The following ZBTB7C variants were observed in gnomAD, a reference collection of about 807,000 sequenced individuals.
The protein encoded by ZBTB7C is zinc finger and BTB domain-containing protein 7C.
ZBTB7C carries 8 observed loss-of-function variants against 25.7 expected under a neutral mutation model. The ratio of observed to expected loss-of-function variants is 0.31; its 90% CI spans 0.18 to 0.56. The LOEUF (loss-of-function observed/expected upper bound fraction) is 0.56, where lower values mean the gene tolerates loss of function less well. Among genes scored for constraint, ZBTB7C ranks in the 20% least tolerant of loss-of-function variants. The pLI is 0.91. For missense variants in ZBTB7C, 824 were observed against 855.2 expected (o/e 0.96, Z 0.46); for synonymous variants, 394 against 369.0 (o/e 1.07, Z -0.78).
intron 1 of ZBTB7C, among the ~76,000 whole-genome samples, chr18:48,407,808 G>T (rs145110829): frequency 3.0e-4 from 46 of 152,274 alleles, no homozygotes; most frequent in African/African-American, 8.4e-4. Flanking sequence ...ATGAAGGACT[G>T]AGAGTTTCCA....
intron 3 of ZBTB7C, among the ~76,000 whole-genome samples, chr18:48,181,944 A>G (rs4347695): frequency 0.38 from 57,363 of 152,046 alleles, 11,840 homozygotes; most frequent in African/African-American, 0.56. Context: ...TTTGTCATTA[A>G]TTGAATTATT....
chr18:48,099,643 C>G lies in ZBTB7C; in HGVS notation c.-16-58520G>C, dbSNP rs758294961. Among the ~76,000 whole-genome samples the G allele has an allele frequency of 2.0e-5, 3 of 152,342 alleles. 1 individual carries two copies. In the South Asian group the frequency reaches 6.2e-4, roughly 32 times the overall value. On this transcript the variant is annotated intron_variant, in intron 3 of 4. Coordinates refer to ENST00000590800, the MANE Select transcript of ZBTB7C (RefSeq NM_001318841.2). ...CTTAAGTGTGACTCCTGACAATGAA[C>G]TGGCAGGGTGCAGCCCCCACCAATC...
intron 2 of ZBTB7C, among the ~76,000 whole-genome samples, chr18:48,226,481 C>G (rs1279111096): frequency 6.6e-6 from 1 of 152,204 alleles, no homozygotes; most frequent in Non-Finnish European, 1.5e-5. Flanking sequence ...AAGGAATGGA[C>G]TGTAGAGGTA....
At chr18:48,094,615 AT>A (rs970467186) in intron 3 of ZBTB7C, among the ~76,000 whole-genome samples, 11 of 151,462 alleles carry the variant, frequency 7.3e-5, no homozygotes, top group South Asian at 2.1e-4. Context: ...CTGAGAGGAC[AT>A]TTTTTTTTCT....
intron 3 of ZBTB7C, among the ~76,000 whole-genome samples, chr18:48,178,734 C>T (rs958944932): frequency 1.3e-5 from 2 of 152,184 alleles, no homozygotes; most frequent in Non-Finnish European, 1.5e-5. Flanking sequence ...AAAGTAAAGA[C>T]GAAGGCCTTT....
At chr18:48,361,973 A>G (rs1253483289) in intron 1 of ZBTB7C, among the ~76,000 whole-genome samples, 3 of 152,208 alleles carry the variant, frequency 2.0e-5, no homozygotes, top group Non-Finnish European at 4.4e-5. Flanking sequence ...GTTACCTGCC[A>G]GGGAGCATGT....
At chr18:48,374,879 C>T (rs537836328) in intron 1 of ZBTB7C, among the ~76,000 whole-genome samples, 1 of 152,348 alleles carries the variant, frequency 6.6e-6, no homozygotes, top group Non-Finnish European at 1.5e-5. Flanking sequence ...GCCAGCTAGA[C>T]CCCGGCAGAC....
chr18:48,207,618 C>CTATCT (rs1568302900), intron 2 of ZBTB7C, among the ~76,000 whole-genome samples: 74 of 102,882 alleles, frequency 7.2e-4, no homozygotes, highest in African/African-American at 2.3e-3. Context: ...TCTATCTATC[C>CTATCT]ATCTAAAATA....
At chr18:48,037,925 C>G (rs985447372) in intron 4 of ZBTB7C, among the ~76,000 whole-genome samples, 3 of 152,190 alleles carry the variant, frequency 2.0e-5, no homozygotes, top group African/African-American at 7.2e-5. Context: ...GCCAGGCCCC[C>G]CGTGAAGATG....
At chr18:48,114,488 C>A (rs970801354) in intron 3 of ZBTB7C, among the ~76,000 whole-genome samples, 8 of 152,200 alleles carry the variant, frequency 5.3e-5, no homozygotes, top group Middle Eastern at 3.4e-3. Flanking sequence ...GTAATCCCAG[C>A]TACTCGGGAG....
chr18:48,159,626 G>A (rs11660174), intron 3 of ZBTB7C, among the ~76,000 whole-genome samples: 22,582 of 152,202 alleles, frequency 0.15, 1,869 homozygotes, highest in South Asian at 0.24. Context: ...AATCAGTGAG[G>A]TTCCTGAACT....
At chr18:48,085,933 A>G (rs9966255) in intron 3 of ZBTB7C, among the ~76,000 whole-genome samples, 29,374 of 152,138 alleles carry the variant, frequency 0.19, 3,901 homozygotes, top group African/African-American at 0.37. Flanking sequence ...CTGCCTGACC[A>G]TGCCTAGGCC....
rs142810916 is a variant in ZBTB7C, at chr18:48,030,654, G to A, written c.1209-743C>T. Among the ~76,000 whole-genome samples the A allele has an allele frequency of 2.0e-5, 3 of 152,124 alleles. No individual in the cohort carries two copies. In the East Asian group the frequency reaches 5.8e-4, roughly 29 times the overall value. On this transcript the variant is annotated intron_variant, in intron 4 of 4. Transcript: ENST00000590800. ...AGGGTGGGGGCGCCTGCACCTATTGGGGGTCTGGGAGCCTCTGCGCCAGCT... is the reference window on the plus strand; with the variant it reads ...AGGGTGGGGGCGCCTGCACCTATTGAGGGTCTGGGAGCCTCTGCGCCAGCT...
Position 48,389,537 on chromosome 18 carries a change from G to T in ZBTB7C, c.-304+19689C>A, listed in dbSNP as rs568759318. ...AATATGTATAAGCACTTGGCCCAGT[G>T]CCTGATACAGGAAAACACCAATAAA... On this transcript the variant is annotated intron_variant, in intron 1 of 4. Coordinates refer to ENST00000590800, the MANE Select transcript of ZBTB7C (RefSeq NM_001318841.2). Among the ~76,000 whole-genome samples the T allele has an allele frequency of 1.3e-4, 19 of 143,982 alleles. No individual in the cohort carries two copies. In the South Asian group the frequency reaches 4.1e-3, roughly 31 times the overall value. The allele number at this position is 143,982 out of a possible 152,430, so 94.5% of individuals were successfully genotyped here. A position where few individuals can be genotyped will look rare whatever the true frequency, so the allele number is the denominator to read the frequency against.
At chr18:48,324,350 A>C (rs2046167278) in intron 2 of ZBTB7C, among the ~76,000 whole-genome samples, 1 of 152,098 alleles carries the variant, frequency 6.6e-6, no homozygotes, top group African/African-American at 2.4e-5. Flanking sequence ...GATGGGAAAG[A>C]GTACTATGAG....
intron 1 of ZBTB7C, among the ~76,000 whole-genome samples, chr18:48,376,566 C>A (rs2047523665): frequency 6.6e-6 from 1 of 152,236 alleles, no homozygotes; most frequent in Admixed American, 6.5e-5. Flanking sequence ...TCCCCTCCCA[C>A]CCCTCCTCTC....
chr18:48,277,258 G>T (rs992066344), intron 2 of ZBTB7C, among the ~76,000 whole-genome samples: 1 of 146,116 alleles, frequency 6.8e-6, no homozygotes, highest in African/African-American at 2.6e-5. Flanking sequence ...CTGACAAAGG[G>T]CTAATATCCA....
chr18:48,073,227 A>G (rs2037620339), intron 3 of ZBTB7C, among the ~76,000 whole-genome samples: 1 of 152,170 alleles, frequency 6.6e-6, no homozygotes, highest in Non-Finnish European at 1.5e-5. Context: ...AATAATCTGC[A>G]CACCACAGGG....
Position 48,345,909 on chromosome 18 carries a change from G to C in ZBTB7C, c.-303-7511C>G, listed in dbSNP as rs944129903. 5.3e-5 allele frequency among the ~76,000 whole-genome samples: 8 copies of C among 152,300 alleles called. 1 individual carries two copies. The highest frequency in any genetic ancestry group is 1.3e-4 in the Admixed American group (2 of 15,304). On this transcript the variant is annotated intron_variant, in intron 1 of 4. Coordinates refer to ENST00000590800, the MANE Select transcript of ZBTB7C (RefSeq NM_001318841.2). ...ATGATCTATAAAAATGTTAAAATGG[G>C]TTTATGGGATCTCTTGGTCCTATCT...
Sources: gnomAD v4.1 joint callset for allele counts (sites outside exome capture counted in the v4.1 genomes callset) on GRCh38, gnomAD v4.1.1 for gene constraint, MANE v1.5 for transcripts, NCBI Gene and HGNC (gene_info 2026-07-23, HGNC 2026-07-21) for gene names.